The following OSBPL8 variants were observed in gnomAD, a reference collection of about 807,000 sequenced individuals.
The protein encoded by OSBPL8 is oxysterol-binding protein-related protein 8.
In OSBPL8, 59 loss-of-function variants were observed where a neutral mutation model predicts 125.5. The ratio of observed to expected loss-of-function variants is 0.47; its 90% confidence interval spans 0.38 to 0.58. The LOEUF (loss-of-function observed/expected upper bound fraction) is 0.58, where lower values mean the gene tolerates loss of function less well. OSBPL8 is among the 20% of genes least tolerant of loss of function. OSBPL8 has a pLI of 0.00. For synonymous variants in OSBPL8, 330 were observed against 338.9 expected, an observed-to-expected ratio of 0.97 and a Z score of 0.29; for missense variants, 758 against 1,047.8, an observed-to-expected ratio of 0.72 and a Z score of 3.82.
In OSBPL8 at chr12:76,458,196, TAGG is replaced by T. The variant is rs563605559; in HGVS notation, c.79+1660_79+1662del. On this transcript the variant is annotated intron_variant, in intron 3 of 23. Coordinates refer to ENST00000261183, the MANE Select transcript of OSBPL8 (RefSeq NM_020841.5). ...CTGAGGTGGGAAGATCGCTTGAGTCTAGGAGAAGTTGTGGCTGCAGTAAGCTGT... is the reference window on the plus strand; with the variant it reads ...CTGAGGTGGGAAGATCGCTTGAGTCTAGAAGTTGTGGCTGCAGTAAGCTGT... 2.7e-3 allele frequency among the ~76,000 whole-genome samples: 417 copies of T among 152,250 alleles called. 2 individuals are homozygous for T. The highest frequency in any genetic ancestry group is 9.6e-3 in the African/African-American group (400 of 41,554).
intron 1 of OSBPL8, among the ~76,000 whole-genome samples, chr12:76,491,105 G>A (rs536359994): frequency 1.3e-5 from 2 of 152,346 alleles, no homozygotes; most frequent in South Asian, 4.1e-4. Flanking sequence ...CTCTCATGAG[G>A]AGTGGAGAGT....
rs576062223 is a variant in OSBPL8 at position 76,551,717 on chromosome 12, T to C, written c.-68+7680A>G. Among the ~76,000 whole-genome samples, 5 of 152,256 alleles carry C rather than the reference T, an allele frequency of 3.3e-5. No homozygotes were observed. The East Asian group carries it at 9.7e-4, about 29-fold the overall frequency. ...ACAATGGCACATGCTGATGAATATGTTGGAACAGTATCCAGAGGATCTCCT... is the reference window on the plus strand; with the variant it reads ...ACAATGGCACATGCTGATGAATATGCTGGAACAGTATCCAGAGGATCTCCT... On this transcript the variant is annotated intron_variant, in intron 1 of 23. Transcript: ENST00000261183.
At chr12:76,388,870 C>T (rs531925715) in intron 12 of OSBPL8, among the ~76,000 whole-genome samples, 67 of 151,834 alleles carry the variant, frequency 4.4e-4, no homozygotes, top group African/African-American at 1.3e-3. Flanking sequence ...TTTCAATGTT[C>T]GCTCATGCCA....
Position 76,410,597 on chromosome 12 carries a change from T to C in OSBPL8, c.255A>G (p.Lys85=). The stretch of plus-strand genomic sequence containing the variant: ...TTGACATAGAAAGTGAAGATTCATC[T>C]TTATTTTGAGAAATATCTTCCTTCC... ...ERGKEDISQN[K]DESSLSMSKS... The change falls in exon 5 of 24, where the codon AAA becomes AAG. Residue 85 remains lysine (K), a synonymous_variant. Coordinates refer to ENST00000261183, the MANE Select transcript of OSBPL8 (RefSeq NM_020841.5). The C allele has an allele frequency of 6.2e-7, 1 of 1,606,408 alleles. No individual in the cohort carries two copies. Among genetic ancestry groups the C allele is most frequent in the Non-Finnish European group, 8.5e-7 (1 of 1,174,006 alleles).
chr12:76,476,337 A>C (rs1202088812), intron 2 of OSBPL8, among the ~76,000 whole-genome samples: 1 of 152,210 alleles, frequency 6.6e-6, no homozygotes, highest in East Asian at 1.9e-4. Context: ...AAAGACAACA[A>C]ACTGAACAAT....
intron 1 of OSBPL8, among the ~76,000 whole-genome samples, chr12:76,517,783 A>C (rs1333142683): frequency 6.6e-6 from 1 of 152,132 alleles, no homozygotes; most frequent in Admixed American, 6.5e-5. Flanking sequence ...TGGGCGCATC[A>C]CATGGCAAGA....
chr12:76,359,906 C>G (rs190334261), intron 21 of OSBPL8, among the ~76,000 whole-genome samples: 6 of 152,200 alleles, frequency 3.9e-5, no homozygotes, highest in African/African-American at 1.4e-4. Flanking sequence ...CAAGTCCCTC[C>G]CACAACACGT....
intron 1 of OSBPL8, among the ~76,000 whole-genome samples, chr12:76,510,177 C>G (rs1647037813): frequency 6.6e-6 from 1 of 152,158 alleles, no homozygotes; most frequent in South Asian, 2.1e-4. Context: ...TTTCATATCT[C>G]CAGATCTAGC....
At chr12:76,383,771 C>T (rs796882076) in intron 15 of OSBPL8, among the ~76,000 whole-genome samples, 2 of 152,084 alleles carry the variant, frequency 1.3e-5, no homozygotes, top group African/African-American at 4.8e-5. Context: ...TTAATGTTTC[C>T]TACTATAACC....
At chr12:76,539,720 A>C (rs1452141119) in intron 1 of OSBPL8, among the ~76,000 whole-genome samples, 1 of 152,234 alleles carries the variant, frequency 6.6e-6, no homozygotes, top group African/African-American at 2.4e-5. Context: ...TGAAGAGCAC[A>C]GCTCCTGGTC....
intron 2 of OSBPL8, among the ~76,000 whole-genome samples, chr12:76,484,942 C>T (rs137969887): frequency 0.01 from 1,589 of 152,054 alleles, 38 homozygotes; most frequent in African/African-American, 0.037. Flanking sequence ...TTTTTTGAGA[C>T]GGAGTTTCGC....
intron 2 of OSBPL8, among the ~76,000 whole-genome samples, chr12:76,465,059 T>C (rs1294259438): frequency 1.3e-5 from 2 of 152,224 alleles, no homozygotes; most frequent in Non-Finnish European, 2.9e-5. Flanking sequence ...TGTAATCATC[T>C]GCAAAATATA....
At chr12:76,371,963 ACT>A (rs1952635265) in intron 18 of OSBPL8, 1 of 158,138 alleles carries the variant, frequency 6.3e-6, no homozygotes, top group Non-Finnish European at 1.4e-5. Flanking sequence ...GATTCAATAT[ACT>A]CAAACATACA....
chr12:76,490,327 G>A (rs991112022), intron 1 of OSBPL8, among the ~76,000 whole-genome samples: 1 of 152,156 alleles, frequency 6.6e-6, no homozygotes, highest in Admixed American at 6.5e-5. Context: ...CCTGTTTTCC[G>A]GCTCGAATGT....
chr12:76,505,151 T>C (rs901915083), intron 1 of OSBPL8, among the ~76,000 whole-genome samples: 5 of 152,188 alleles, frequency 3.3e-5, no homozygotes, highest in African/African-American at 1.2e-4. Context: ...TCTTTCTCTT[T>C]TGCAATTTCC....
intron 10 of OSBPL8, among the ~76,000 whole-genome samples, chr12:76,391,992 A>G (rs1307213299): frequency 6.6e-6 from 1 of 152,212 alleles, no homozygotes; most frequent in Admixed American, 6.5e-5. Flanking sequence ...AAAAGACCTG[A>G]ATCTCAAGAA....
chr12:76,544,448 T>C (rs1210644551), intron 1 of OSBPL8, among the ~76,000 whole-genome samples: 1 of 152,150 alleles, frequency 6.6e-6, no homozygotes, highest in East Asian at 1.9e-4. Context: ...TCCAAAAGTG[T>C]TTGTTGAACA....
intron 10 of OSBPL8, among the ~76,000 whole-genome samples, chr12:76,391,195 T>A (rs1415148381): frequency 2.0e-5 from 3 of 152,174 alleles, no homozygotes; most frequent in Non-Finnish European, 4.4e-5. Context: ...TATATTAAAT[T>A]CTATTCGTCT....
chr12:76,369,009 TCTGA>T (rs1274966663), intron 21 of OSBPL8, among the ~76,000 whole-genome samples: 1 of 152,186 alleles, frequency 6.6e-6, no homozygotes, highest in African/African-American at 2.4e-5. Context: ...GCTGAACACC[TCTGA>T]CTGTTTTCCA....
Sources: gnomAD v4.1 joint callset for allele counts (sites outside exome capture counted in the v4.1 genomes callset) on GRCh38, gnomAD v4.1.1 for gene constraint, MANE v1.5 for transcripts, NCBI Gene and HGNC (gene_info 2026-07-23, HGNC 2026-07-21) for gene names.